The following STAB2 variants were observed in gnomAD, a reference collection of about 807,000 sequenced individuals.
STAB2 encodes the protein stabilin-2.
Under a neutral mutation model 338.1 loss-of-function variants are expected in STAB2, and 288 were observed. That is an observed-to-expected ratio of 0.85 (90% CI 0.77 to 0.94). The LOEUF (loss-of-function observed/expected upper bound fraction) is 0.94. Among genes scored for constraint, STAB2 ranks in the 40% least tolerant of loss-of-function variants. The probability of loss-of-function intolerance (pLI) is 0.00; values close to 1 mark genes in which losing one functional copy is unlikely to be tolerated. For synonymous variants in STAB2, 1,202 were observed against 1,193.3 expected (o/e 1.01, Z -0.15); for missense variants, 3,141 against 3,210.1 (o/e 0.98, Z 0.52).
chr12:103,676,786 G>GCA (rs1339228663), intron 24 of STAB2, among the ~76,000 whole-genome samples: 2 of 152,172 alleles, frequency 1.3e-5, no homozygotes, highest in Non-Finnish European at 2.9e-5. Context: ...TACCCACAGT[G>GCA]CATTGTCCAC....
chr12:103,655,725 C>G, intron 15 of STAB2, 144 bp downstream of exon 15: 1 of 966,346 alleles, frequency 1.0e-6, no homozygotes, highest in Non-Finnish European at 1.5e-6. Context: ...GCAGGCATCA[C>G]TAATCAATCA....
chr12:103,690,940 A>G (rs1365885081), intron 30 of STAB2, among the ~76,000 whole-genome samples: 1 of 152,260 alleles, frequency 6.6e-6, no homozygotes, highest in Non-Finnish European at 1.5e-5. Context: ...ATATATACTC[A>G]ATCTTTATAG....
At chr12:103,718,098 T>C (rs563458181) in intron 44 of STAB2, among the ~76,000 whole-genome samples, 1 of 152,206 alleles carries the variant, frequency 6.6e-6, no homozygotes, top group East Asian at 1.9e-4. Flanking sequence ...TTATCCCCTA[T>C]CCATATTGCC....
In STAB2 at chr12:103,737,895, G is replaced by A. The variant is rs562780017; in HGVS notation, c.5697+115G>A. ...AAGGGCCTGTCCTCAGCAAGACTAG[G>A]ACCCAGAAGACCTGAGGGCCAAATG... On this transcript the variant is annotated intron_variant, in intron 53 of 68. Coordinates refer to ENST00000388887, the MANE Select transcript of STAB2 (RefSeq NM_017564.10). 7.0e-5 allele frequency: 95 copies of A among 1,351,538 alleles called. No individual in the cohort carries two copies. In the African/African-American group the frequency reaches 1.3e-3, roughly 18 times the overall value. The allele number at this position is 1,351,538 out of a possible 1,614,324, so 83.7% of individuals were successfully genotyped here. A position where few individuals can be genotyped will look rare whatever the true frequency, so the allele number is the denominator to read the frequency against.
chr12:103,600,193 T>C (rs1956933794), intron 3 of STAB2, among the ~76,000 whole-genome samples: 1 of 152,248 alleles, frequency 6.6e-6, no homozygotes, highest in South Asian at 2.1e-4. Flanking sequence ...TTCAGCACTT[T>C]GGTAAGGACA....
intron 28 of STAB2, among the ~76,000 whole-genome samples, chr12:103,688,667 C>T (rs1361700900): frequency 1.3e-5 from 2 of 152,202 alleles, no homozygotes; most frequent in African/African-American, 2.4e-5. Context: ...AGACACATGC[C>T]AAATAGTCCA....
chr12:103,592,014 T>C (rs977068454), intron 2 of STAB2: 1 of 152,320 alleles, frequency 6.6e-6, no homozygotes, highest in East Asian at 1.9e-4. Context: ...AAATTCACAT[T>C]TGCTTAATGT....
chr12:103,765,947 G>A (rs970991087), intron 68 of STAB2: 3 of 397,006 alleles, frequency 7.6e-6, no homozygotes, highest in Middle Eastern at 4.0e-4. Context: ...GCCACCTTTT[G>A]TGAGGTGCTT....
At chr12:103,634,228 G>A (rs144950748) in intron 6 of STAB2, among the ~76,000 whole-genome samples, 5 of 152,200 alleles carry the variant, frequency 3.3e-5, no homozygotes, top group African/African-American at 1.2e-4. Flanking sequence ...AAATTTACTG[G>A]CTACTATTGG....
intron 27 of STAB2, among the ~76,000 whole-genome samples, chr12:103,686,465 A>T (rs1326199037): frequency 6.6e-6 from 1 of 152,156 alleles, no homozygotes; most frequent in Non-Finnish European, 1.5e-5. Flanking sequence ...TTAAGTCCTC[A>T]GCTTGGCTCT....
intron 9 of STAB2, among the ~76,000 whole-genome samples, chr12:103,642,226 A>G (rs533314352): frequency 2.6e-5 from 4 of 152,242 alleles, no homozygotes; most frequent in Admixed American, 6.5e-5. Context: ...ACTGAGAACA[A>G]ATAACTTTAT....
chr12:103,689,822 C>T, intron 28 of STAB2, 24 bp from the exon 29 acceptor site: 1 of 1,608,072 alleles, frequency 6.2e-7, no homozygotes, highest in Non-Finnish European at 8.5e-7. Context: ...AAGCAGGTCA[C>T]TTTATTTTCC....
intron 25 of STAB2, among the ~76,000 whole-genome samples, chr12:103,681,524 T>C (rs933715230): frequency 1.3e-5 from 2 of 152,116 alleles, no homozygotes; most frequent in African/African-American, 4.8e-5. Context: ...TTGGTGTTTC[T>C]TGGCTTGTGG....
intron 35 of STAB2, among the ~76,000 whole-genome samples, chr12:103,703,818 G>A (rs140349943): frequency 1.1e-4 from 16 of 152,308 alleles, no homozygotes; most frequent in East Asian, 9.6e-4. Context: ...TCGGACACTC[G>A]TTATATGCCG....
rs143035371 is a variant in STAB2 at position 103,744,612 on chromosome 12, G to A, written c.6032-561G>A. ...CTCCCAAGTAGCTGGGACTAAAGGC[G>A]TGTACCACGACATCTGGCTAATTTT... On this transcript the variant is annotated intron_variant, in intron 56 of 68. Transcript: ENST00000388887. Among the ~76,000 whole-genome samples the A allele has an allele frequency of 1.6e-4, 24 of 151,850 alleles. 1 individual carries two copies. In the East Asian group the frequency reaches 2.3e-3, roughly 15 times the overall value.
At chr12:103,759,011 T>C in intron 64 of STAB2, 122 bp from the exon 65 acceptor site, 1 of 1,517,568 alleles carries the variant, frequency 6.6e-7, no homozygotes, top group African/African-American at 1.4e-5. Flanking sequence ...TTTCCTGATC[T>C]CCACATGGAG....
Position 103,766,476 on chromosome 12 carries a change from G to A in STAB2, c.*140G>A. ...TACCTCATCTCTCTGGCTGATCTGG[G>A]GGTTGTTTCTGTGGGTGAGAGATGT... is the stretch of plus-strand genomic sequence containing the variant. On this transcript the variant is annotated 3_prime_UTR_variant, in exon 69 of 69. Coordinates refer to ENST00000388887, the MANE Select transcript of STAB2 (RefSeq NM_017564.10). The A allele has an allele frequency of 2.0e-6, 2 of 1,002,952 alleles. No homozygotes were observed. Among genetic ancestry groups the A allele is most frequent in the South Asian group, 3.4e-5 (2 of 59,660 alleles). 62.1% of individuals were successfully genotyped at this position (1,002,952 alleles called of 1,614,324 possible).
intron 5 of STAB2, 138 bp downstream of exon 5, chr12:103,622,249 T>A: frequency 2.3e-6 from 2 of 873,260 alleles, no homozygotes; most frequent in Non-Finnish European, 3.5e-6. Flanking sequence ...TAAAGGAGTT[T>A]AATCGGGCAA....
At chr12:103,688,708 T>A (rs930939372) in intron 28 of STAB2, among the ~76,000 whole-genome samples, 3 of 152,182 alleles carry the variant, frequency 2.0e-5, no homozygotes, top group Non-Finnish European at 2.9e-5. Context: ...CAGGACAGCT[T>A]CCTGTTGCTT....
Sources: gnomAD v4.1 joint callset for allele counts (sites outside exome capture counted in the v4.1 genomes callset) on GRCh38, gnomAD v4.1.1 for gene constraint, MANE v1.5 for transcripts, NCBI Gene and HGNC (gene_info 2026-07-23, HGNC 2026-07-21) for gene names.